AFF2: variants seen among roughly 807,000 people sequenced by gnomAD.
AFF2 encodes AF4/FMR2 family member 2.
In AFF2, 14 loss-of-function variants were observed where a neutral mutation model predicts 76.9. The observed-to-expected ratio is 0.18, with a 90% CI of 0.12 to 0.28. The LOEUF (loss-of-function observed/expected upper bound fraction) is 0.28. Ranked by LOEUF, AFF2 falls within the 10% of genes least tolerant of loss-of-function variation. The pLI, the probability that AFF2 is intolerant of heterozygous loss-of-function variation, is 1.00. For missense variants in AFF2, 868 were observed against 1,001.1 expected (o/e 0.87, Z 1.79); for synonymous variants, 398 against 366.7 (o/e 1.09, Z -0.98).
intron 7 of AFF2, among the ~76,000 whole-genome samples, chrX:148,845,342 T>C (rs1214398905): frequency 8.9e-6 from 1 of 112,265 alleles, no homozygotes; most frequent in Non-Finnish European, 1.9e-5. Context: ...AACTCGTCAA[T>C]TGTGGTTTAT....
rs1404316161 is a variant in AFF2 at position 148,997,660 on chromosome X, T to C, written c.*6328T>C. ...CCTTTCATGGTATTGCTACAATATT[T>C]GTCCTTACTGGAAAATGGTAACATC... On this transcript the variant is annotated 3_prime_UTR_variant, in exon 21 of 21. Transcript: ENST00000370460. 6 of 111,660 alleles carry C rather than the reference T, an allele frequency of 5.4e-5. No individual in the cohort carries two copies. The highest frequency in any genetic ancestry group is 9.5e-5 in the Admixed American group (1 of 10,485). The allele number at this position is 111,660 out of a possible 1,213,427, so 9.2% of individuals were successfully genotyped here.
rs1431399642 is a variant in AFF2 at position 148,795,833 on chromosome X, AT to A, written c.1042-14042del. ...AAAAAAAAAAAAAAAAAAAAAAAAA[AT>A]ATATATATATATATATATATATATA... On this transcript the variant is annotated intron_variant, in intron 3 of 20. Coordinates refer to ENST00000370460, the MANE Select transcript of AFF2 (RefSeq NM_002025.4). 9.8e-3 allele frequency among the ~76,000 whole-genome samples: 66 copies of A among 6,767 alleles called. 2 individuals are homozygous for A. Among genetic ancestry groups the A allele is most frequent in the South Asian group, 0.019 (2 of 104 alleles). The allele number at this position is 6,767 out of a possible 115,157, so 5.9% of individuals were successfully genotyped here.
chrX:148,747,671 C>T (rs1197503754), intron 3 of AFF2, among the ~76,000 whole-genome samples: 1 of 111,480 alleles, frequency 9.0e-6, no homozygotes, highest in Non-Finnish European at 1.9e-5. Context: ...AACTGAGCTA[C>T]ATTAGATCAA....
intron 3 of AFF2, among the ~76,000 whole-genome samples, chrX:148,783,737 C>G: frequency 9.0e-6 from 1 of 111,463 alleles, no homozygotes. Flanking sequence ...TGCAATAATC[C>G]TAATTTGACC....
intron 3 of AFF2, among the ~76,000 whole-genome samples, chrX:148,728,933 G>A (rs188245732): frequency 2.7e-3 from 304 of 112,101 alleles, no homozygotes; most frequent in Non-Finnish European, 4.4e-3. Context: ...CTTTTAGAAG[G>A]GAGTAGGATT....
chrX:148,948,169 T>G (rs1277340464), intron 9 of AFF2, among the ~76,000 whole-genome samples: 1 of 112,201 alleles, frequency 8.9e-6, no homozygotes, highest in Non-Finnish European at 1.9e-5. Flanking sequence ...CTGGTGCAGG[T>G]GTTTGGCTTT....
At chrX:148,578,719 G>A (rs782789573) in intron 1 of AFF2, among the ~76,000 whole-genome samples, 1 of 111,773 alleles carries the variant, frequency 8.9e-6, no homozygotes, top group African/African-American at 3.2e-5. Flanking sequence ...AACATCATGG[G>A]ATACTTGGAG....
intron 1 of AFF2, among the ~76,000 whole-genome samples, chrX:148,626,571 A>C (rs2053929612): frequency 9.0e-6 from 1 of 110,974 alleles, no homozygotes; most frequent in African/African-American, 3.3e-5. Flanking sequence ...ACAGTTCTGG[A>C]GGCCAAAAGT....
intron 8 of AFF2, 45 bp from the exon 9 acceptor site, chrX:148,904,176 A>G: frequency 1.2e-6 from 1 of 841,978 alleles, no homozygotes; most frequent in Admixed American, 2.4e-5. Context: ...TGCAATGATT[A>G]TGCCTGCTAA....
At chrX:148,688,575 A>C (rs1386652227) in intron 3 of AFF2, among the ~76,000 whole-genome samples, 2 of 111,300 alleles carry the variant, frequency 1.8e-5, no homozygotes, top group African/African-American at 6.5e-5. Context: ...TTAATTTATC[A>C]TTGTATCCCT....
At chrX:148,742,949 ACTC>A (rs1400314819) in intron 3 of AFF2, among the ~76,000 whole-genome samples, 1 of 109,127 alleles carries the variant, frequency 9.2e-6, no homozygotes, top group African/African-American at 3.3e-5. Context: ...ACTTGTCTCT[ACTC>A]CTCTTCCTTT....
intron 1 of AFF2, among the ~76,000 whole-genome samples, chrX:148,538,949 G>C (rs1433375839): frequency 9.0e-6 from 1 of 111,677 alleles, no homozygotes; most frequent in Non-Finnish European, 1.9e-5. Flanking sequence ...TATTTAAACT[G>C]TCTACCCTAC....
At chrX:148,581,721 C>G (rs1193445955) in intron 1 of AFF2, among the ~76,000 whole-genome samples, 1 of 111,965 alleles carries the variant, frequency 8.9e-6, no homozygotes, top group Non-Finnish European at 1.9e-5. Context: ...TTTTTCCTGA[C>G]TTGTTTGAGA....
chrX:148,631,242 A>T (rs1557253012), intron 1 of AFF2, among the ~76,000 whole-genome samples: 1 of 112,185 alleles, frequency 8.9e-6, no homozygotes, highest in African/African-American at 3.2e-5. Flanking sequence ...TTATCAGTCT[A>T]AGAAAGTAGT....
intron 19 of AFF2, among the ~76,000 whole-genome samples, chrX:148,985,365 G>A (rs1161872199): frequency 3.4e-5 from 3 of 87,144 alleles, no homozygotes; most frequent in African/African-American, 9.1e-5. Flanking sequence ...ACAGTTGTGC[G>A]ATCATGGCTC....
At position 148,556,920 on chromosome X, in the gene AFF2, T is replaced by C. The variant is rs569613087; in HGVS notation, c.47+55776T>C. Among the ~76,000 whole-genome samples the C allele has an allele frequency of 2.0e-4, 22 of 112,477 alleles. 1 individual carries two copies. In the South Asian group the frequency reaches 6.9e-3, roughly 35 times the overall value. ...GCTGGTTCTTTTTTAATATCATTTA[T>C]TATAAACTCCAGATTTTCATTTCTT... On this transcript the variant is annotated intron_variant, in intron 1 of 20. Transcript: ENST00000370460.
At chrX:148,706,698 A>G (rs948036957) in intron 3 of AFF2, among the ~76,000 whole-genome samples, 1 of 112,567 alleles carries the variant, frequency 8.9e-6, no homozygotes, top group African/African-American at 3.2e-5. Context: ...TGAAATGCTT[A>G]TGGCTTCCTA....
chrX:148,929,035 T>C (rs1382290978), intron 9 of AFF2, among the ~76,000 whole-genome samples: 1 of 112,316 alleles, frequency 8.9e-6, no homozygotes, highest in East Asian at 2.8e-4. Context: ...TTGAGTCACG[T>C]TGACATTACC....
intron 3 of AFF2, among the ~76,000 whole-genome samples, chrX:148,777,664 A>G (rs913236063): frequency 1.8e-5 from 2 of 111,798 alleles, no homozygotes; most frequent in African/African-American, 6.5e-5. Flanking sequence ...TCGATTATTG[A>G]TGTATAGAAA....
Sources: allele counts gnomAD v4.1 joint callset (sites outside exome capture counted in the v4.1 genomes callset), GRCh38; gene constraint gnomAD v4.1.1; transcripts MANE v1.5; gene names NCBI Gene and HGNC (gene_info 2026-07-23, HGNC 2026-07-21).